Variants in RFX7 observed in about 807,000 individuals in gnomAD.
The protein encoded by RFX7 is DNA-binding protein RFX7.
A neutral mutation model predicts 111.8 loss-of-function variants in RFX7; 26 were observed. The observed-to-expected ratio is 0.23, with a 90% CI of 0.17 to 0.32. The LOEUF (loss-of-function observed/expected upper bound fraction) is 0.32. Among genes scored for constraint, RFX7 ranks in the 10% least tolerant of loss-of-function variants. RFX7 has a pLI of 1.00. For synonymous variants in RFX7, 624 were observed against 624.4 expected, an observed-to-expected ratio of 1.00 and a Z score of 0.01; for missense variants, 1,573 against 1,772.9, an observed-to-expected ratio of 0.89 and a Z score of 2.02.
chr15:56,194,973 A>G (rs1475430547), intron 2 of RFX7, among the ~76,000 whole-genome samples: 1 of 152,196 alleles, frequency 6.6e-6, no homozygotes, highest in African/African-American at 2.4e-5. Context: ...TCATAGCAGC[A>G]CTGTTCACAA....
At chr15:56,162,010 A>G (rs2042725575) in intron 3 of RFX7, among the ~76,000 whole-genome samples, 1 of 152,052 alleles carries the variant, frequency 6.6e-6, no homozygotes, top group South Asian at 2.1e-4. Context: ...GTTATTATCA[A>G]TGTTTCTGTG....
intron 2 of RFX7, among the ~76,000 whole-genome samples, chr15:56,195,188 T>C (rs2043135816): frequency 6.6e-6 from 1 of 152,132 alleles, no homozygotes; most frequent in Admixed American, 6.5e-5. Context: ...ACTCCCTGTA[T>C]ACAAAATCTC....
Position 56,095,815 on chromosome 15 carries a change from G to A in RFX7, c.1913C>T (p.Ser638Leu), listed in dbSNP as rs1442050062. 3 of 1,611,526 alleles carry A rather than the reference G, an allele frequency of 1.9e-6. No homozygotes were observed. Among genetic ancestry groups the A allele is most frequent in the Non-Finnish European group, 2.5e-6 (3 of 1,179,874 alleles). Residue 638 changes from serine to leucine, a missense_variant, in exon 10 of 10, where the codon TCA (serine) becomes TTA (leucine). By Grantham distance (145) the Ser-to-Leu change is moderately radical. Around this residue, in one of 7 missense-constraint regions of RFX7, gnomAD observed 625 missense variants for 632.2 expected, o/e 0.99. Transcript: ENST00000559447. ...SQNLTFTSSS[S>L]PPNGDSINKD... The stretch of plus-strand genomic sequence containing the variant: ...ATTGATTGAGTCACCATTAGGTGGT[G>A]AGCTGCTGCTGGTGAAAGTTAAGTT...
At chr15:56,124,897 CCTGTGCTTTTGAGCT>C (rs1193762294) in intron 5 of RFX7, among the ~76,000 whole-genome samples, 1 of 152,090 alleles carries the variant, frequency 6.6e-6, no homozygotes, top group Non-Finnish European at 1.5e-5. Flanking sequence ...GCTTTTGTTG[CCTGTGCTTTTGAGCT>C]CTTATTCATA....
At position 56,114,368 on chromosome 15, in the gene RFX7, G is replaced by A. The variant is rs1312620044; in HGVS notation, c.402-10698C>T. On this transcript the variant is annotated intron_variant, in intron 5 of 9. Coordinates refer to ENST00000559447, the MANE Select transcript of RFX7 (RefSeq NM_022841.7). ...GGAGGTTGCAGTGATCAGAGATCAC[G>A]CCACTGCACTCCAGCCTAGGCAACA... Among the ~76,000 whole-genome samples the A allele has an allele frequency of 7.0e-5, 10 of 143,010 alleles. No individual in the cohort carries two copies. The East Asian group carries it at 8.8e-4, about 13-fold the overall frequency. The allele number at this position is 143,010 out of a possible 152,430, so 93.8% of individuals were successfully genotyped here.
Position 56,093,754 on chromosome 15 carries a change from T to G in RFX7, c.3974A>C (p.Gln1325Pro), listed in dbSNP as rs747219967. The G allele has an allele frequency of 6.2e-7, 1 of 1,613,940 alleles. No homozygotes were observed. Among genetic ancestry groups the G allele is most frequent in the South Asian group, 1.1e-5 (1 of 91,080 alleles). The change falls in exon 10 of 10, where the codon CAG (glutamine) becomes CCG (proline). Residue 1325 changes from glutamine (Q) to proline (P), a missense_variant. Gln to Pro is a moderately conservative substitution (Grantham distance 76). Around this residue, in one of 7 missense-constraint regions of RFX7, gnomAD observed 411 missense variants for 478.1 expected, o/e 0.86. Transcript: ENST00000559447. ...ATTATCTCCAGGAGAAAAATTGATCTGACCGGTGCTATTACTTTTGGTGAG... is the reference window on the plus strand; with the variant it reads ...ATTATCTCCAGGAGAAAAATTGATCGGACCGGTGCTATTACTTTTGGTGAG... ...SYLTKSNSTG[Q>P]INFSPGDNQA... is the part of the protein sequence containing the mutation.
intron 5 of RFX7, 129 bp downstream of exon 5, chr15:56,142,649 A>C (rs2042416212): frequency 3.8e-6 from 3 of 791,662 alleles, no homozygotes; most frequent in South Asian, 4.0e-5. Context: ...AATGAATCTT[A>C]AGAGATTTCT....
rs576725164 is a variant in RFX7 at position 56,096,232 on chromosome 15, G to A, written c.1496C>T (p.Thr499Ile). 139 of 1,613,978 alleles carry A rather than the reference G, an allele frequency of 8.6e-5. 1 individual carries two copies. The South Asian group carries it at 1.5e-3, about 18-fold the overall frequency. The change falls in exon 10 of 10, where the codon ACA becomes ATA. Residue 499 changes from threonine to isoleucine, a missense_variant. Thr to Ile is a moderately conservative substitution (Grantham distance 89, BLOSUM62 -1). Coordinates refer to ENST00000559447, the MANE Select transcript of RFX7 (RefSeq NM_022841.7). The part of the protein sequence containing the change: ...LKHSASVSSA[T>I]GTTEESRSVP... ...ACTCCTTGATTCTTCTGTTGTTCCT[G>A]TAGCACTGCTGACTGAGGCAGAATG...
intron 5 of RFX7, among the ~76,000 whole-genome samples, chr15:56,123,340 G>A (rs531859837): frequency 1.3e-4 from 20 of 152,208 alleles, no homozygotes; most frequent in African/African-American, 4.6e-4. Flanking sequence ...TCTGGCCCAG[G>A]GTGTGTCTAG....
chr15:56,228,826 G>GT (rs1248251375), intron 2 of RFX7, among the ~76,000 whole-genome samples: 1 of 151,900 alleles, frequency 6.6e-6, no homozygotes, highest in African/African-American at 2.4e-5. Context: ...ACCACAGATG[G>GT]TACAGAACCC....
rs182886350 is a variant in RFX7, at chr15:56,190,349, T to C, written c.162-11046A>G. ...TCAGTGTCTGTACCCTTGGGTATGA[T>C]TGCTTAGGCTGAAGGAAATATCACT... is the stretch of plus-strand genomic sequence containing the variant. On this transcript the variant is annotated intron_variant, in intron 2 of 9. Coordinates refer to ENST00000559447, the MANE Select transcript of RFX7 (RefSeq NM_022841.7). 4.6e-5 allele frequency among the ~76,000 whole-genome samples: 7 copies of C among 151,958 alleles called. No individual in the cohort carries two copies. In the East Asian group the frequency reaches 5.8e-4, roughly 13 times the overall value.
intron 3 of RFX7, among the ~76,000 whole-genome samples, chr15:56,147,880 T>A (rs537590158): frequency 2.0e-4 from 30 of 152,320 alleles, no homozygotes; most frequent in African/African-American, 6.3e-4. Context: ...GCCTAAAAAC[T>A]CTAATTTTTA....
At chr15:56,126,730 C>T (rs746222576) in intron 5 of RFX7, among the ~76,000 whole-genome samples, 3 of 151,956 alleles carry the variant, frequency 2.0e-5, no homozygotes, top group Non-Finnish European at 4.4e-5. Flanking sequence ...AGCATGGCTA[C>T]AGTAACTGAA....
At chr15:56,226,981 G>A (rs564381284) in intron 2 of RFX7, among the ~76,000 whole-genome samples, 16 of 152,166 alleles carry the variant, frequency 1.1e-4, no homozygotes, top group African/African-American at 3.6e-4. Flanking sequence ...AAACTCTTTG[G>A]TATGTAAATT....
intron 2 of RFX7, among the ~76,000 whole-genome samples, chr15:56,236,866 A>G (rs920158452): frequency 6.6e-6 from 1 of 152,216 alleles, no homozygotes. Flanking sequence ...GGATTACTGC[A>G]TAGCCTTACT....
intron 5 of RFX7, among the ~76,000 whole-genome samples, chr15:56,110,079 T>C (rs866190075): frequency 9.2e-4 from 87 of 94,636 alleles, no homozygotes; most frequent in African/African-American, 2.4e-3. Context: ...CCGCCCCGTC[T>C]GGGAGGGAGG....
intron 6 of RFX7, 71 bp downstream of exon 6, chr15:56,103,483 C>T (rs1233154257): frequency 3.1e-6 from 3 of 962,002 alleles, no homozygotes; most frequent in Non-Finnish European, 4.6e-6. Flanking sequence ...GCCAGTTGAA[C>T]TACAACAATA....
At position 56,149,934 on chromosome 15, in the gene RFX7, G is replaced by A. The variant is rs567383995; in HGVS notation, c.196-5451C>T. Reference sequence around the variant, plus strand: ...CTGGCTCAGCGGGTCCCACTCCCACGGAGCCCAGGAAACTAAGATCCGCTG... The same window carrying A: ...CTGGCTCAGCGGGTCCCACTCCCACAGAGCCCAGGAAACTAAGATCCGCTG... On this transcript the variant is annotated intron_variant, in intron 3 of 9. Transcript: ENST00000559447. Among the ~76,000 whole-genome samples, 115 of 151,896 alleles carry A rather than the reference G, an allele frequency of 7.6e-4. 1 individual carries two copies. Among genetic ancestry groups the A allele is most frequent in the African/African-American group, 2.7e-3 (111 of 41,418 alleles).
At position 56,088,800 on chromosome 15, in the gene RFX7, A is replaced by T. The variant is rs2041560858; in HGVS notation, c.*4545T>A. ...ACCTGATTTTTCAGCTCATAGGGGG[A>T]AGGCAAGATACCAGTTAACAGTTAG... On this transcript the variant is annotated 3_prime_UTR_variant, in exon 10 of 10. Coordinates refer to ENST00000559447, the MANE Select transcript of RFX7 (RefSeq NM_022841.7). 6.6e-6 allele frequency: 1 copy of T among 152,094 alleles called. No individual in the cohort carries two copies. Among genetic ancestry groups the T allele is most frequent in the Non-Finnish European group, 1.5e-5 (1 of 68,018 alleles). 9.4% of individuals were successfully genotyped at this position (152,094 alleles called of 1,614,324 possible). A position where few individuals can be genotyped will look rare whatever the true frequency, so the allele number is the denominator to read the frequency against.
Sources: allele counts gnomAD v4.1 joint callset (sites outside exome capture counted in the v4.1 genomes callset), GRCh38; gene constraint gnomAD v4.1.1; regional missense constraint gnomAD v4.1.1; transcripts MANE v1.5; gene names NCBI Gene and HGNC (gene_info 2026-07-23, HGNC 2026-07-21).